The following ZMYM2 variants were observed in gnomAD, a reference collection of about 807,000 sequenced individuals.
ZMYM2 encodes the protein zinc finger MYM-type containing 2, also known as zinc finger MYM-type protein 2.
In ZMYM2, 56 loss-of-function variants were observed where a neutral mutation model predicts 162.8. The observed-to-expected ratio is 0.34, with a 90% CI of 0.28 to 0.43. The LOEUF (loss-of-function observed/expected upper bound fraction) is 0.43. Ranked by LOEUF, ZMYM2 falls within the 20% of genes least tolerant of loss-of-function variation. The probability of loss-of-function intolerance (pLI) is 1.00; values close to 1 mark genes in which losing one functional copy is unlikely to be tolerated. For missense variants in ZMYM2, 1,275 were observed against 1,621.8 expected (o/e 0.79, Z 3.67); for synonymous variants, 510 against 541.6 (o/e 0.94, Z 0.81).
intron 2 of ZMYM2, among the ~76,000 whole-genome samples, chr13:19,984,443 T>G (rs1424358210): frequency 6.6e-6 from 1 of 152,226 alleles, no homozygotes; most frequent in African/African-American, 2.4e-5. Flanking sequence ...GGTAAGTATT[T>G]AGGAGTGTGC....
At chr13:19,958,153 C>G (rs532182946), upstream of ZMYM2, among the ~76,000 whole-genome samples, 491 of 152,330 alleles carry the variant, frequency 3.2e-3, 3 homozygotes, top group African/African-American at 0.011. Context: ...GGTCGGGATT[C>G]CAGTTCACCC....
chr13:20,049,990 A>G (rs1413265172), intron 12 of ZMYM2, among the ~76,000 whole-genome samples: 1 of 152,018 alleles, frequency 6.6e-6, no homozygotes, highest in Non-Finnish European at 1.5e-5. Flanking sequence ...ATTTCGAAGA[A>G]CAGTCTCGCT....
chr13:19,871,236 CAGAA>C, the ZMYM2 span, among the ~76,000 whole-genome samples: 2 of 151,742 alleles, frequency 1.3e-5, no homozygotes, highest in African/African-American at 4.8e-5. Flanking sequence ...TATAATAACA[CAGAA>C]AGTAAAGAGA....
intron 9 of ZMYM2, chr13:20,028,155 G>T (rs909874675): frequency 6.2e-6 from 1 of 162,338 alleles, no homozygotes; most frequent in African/African-American, 2.4e-5. Flanking sequence ...TTAAATTGAG[G>T]TGTTTTTGAA....
At chr13:20,019,340 T>G (rs1015851341) in intron 6 of ZMYM2, among the ~76,000 whole-genome samples, 1 of 152,132 alleles carries the variant, frequency 6.6e-6, no homozygotes, top group Admixed American at 6.5e-5. Context: ...CATCATACCA[T>G]TTTTTCTAAG....
chr13:19,954,281 A>G (rs1954473965), upstream of ZMYM2, among the ~76,000 whole-genome samples: 1 of 150,982 alleles, frequency 6.6e-6, no homozygotes, highest in Non-Finnish European at 1.5e-5. Context: ...GGCGCCCACC[A>G]CCATGCCTGG....
chr13:20,002,216 G>A (rs1222429319), intron 3 of ZMYM2, among the ~76,000 whole-genome samples: 1 of 152,152 alleles, frequency 6.6e-6, no homozygotes, highest in African/African-American at 2.4e-5. Flanking sequence ...TTCTAGTTAG[G>A]ATTTTATTAT....
the ZMYM2 span, among the ~76,000 whole-genome samples, chr13:19,882,757 AAG>A: frequency 6.6e-6 from 1 of 150,384 alleles, no homozygotes; most frequent in African/African-American, 2.5e-5. Context: ...AAAAACAAAA[AAG>A]AACACGAAAA....
chr13:20,032,599 CTTTTTTTTT>C (rs57294389), intron 10 of ZMYM2, among the ~76,000 whole-genome samples: 12 of 66,034 alleles, frequency 1.8e-4, no homozygotes, highest in South Asian at 5.5e-4. Context: ...TTTTTTCTGT[CTTTTTTTTT>C]TTTTTTTTTT....
the ZMYM2 span, among the ~76,000 whole-genome samples, chr13:19,925,182 C>A: frequency 6.6e-6 from 1 of 152,194 alleles, no homozygotes; most frequent in Non-Finnish European, 1.5e-5. Flanking sequence ...CCGTGCCCGG[C>A]AATTTATTGA....
rs764189125 is a variant in ZMYM2 at position 20,082,035 on chromosome 13, G to A, written c.3473G>A (p.Arg1158Gln). 2.5e-6 allele frequency: 4 copies of A among 1,585,272 alleles called. No individual in the cohort carries two copies. Among genetic ancestry groups the A allele is most frequent in the Admixed American group, 3.7e-5 (2 of 54,256 alleles). The change falls in exon 22 of 25, where the codon CGA (arginine) becomes CAA (glutamine). Residue 1158 changes from arginine (R) to glutamine (Q), a missense_variant. By Grantham distance (43) the Arg-to-Gln change is conservative. Coordinates refer to ENST00000610343, the MANE Select transcript of ZMYM2 (RefSeq NM_197968.4). ...GIQEYLCGSN[R>Q]KDNIFIDPGY... ...TTATAGTATTTGTGTGGAAGTAATCGAAAAGACAACATATTTATTGATCCT... is the reference window on the plus strand; with the variant it reads ...TTATAGTATTTGTGTGGAAGTAATCAAAAAGACAACATATTTATTGATCCT...
chr13:20,000,859 G>A (rs1315332522), intron 3 of ZMYM2, among the ~76,000 whole-genome samples: 2 of 152,224 alleles, frequency 1.3e-5, no homozygotes, highest in Non-Finnish European at 2.9e-5. Context: ...GCCATAGATA[G>A]TGATTCCTCT....
intron 16 of ZMYM2, 74 bp downstream of exon 16, chr13:20,059,636 C>G: frequency 1.3e-6 from 1 of 752,416 alleles, no homozygotes; most frequent in Non-Finnish European, 2.4e-6. Flanking sequence ...TACAGTTGAC[C>G]CTTGAACAAC....
chr13:20,000,635 T>C (rs1258645323), intron 3 of ZMYM2, among the ~76,000 whole-genome samples: 1 of 152,234 alleles, frequency 6.6e-6, no homozygotes, highest in Non-Finnish European at 1.5e-5. Context: ...TTTAAACTAG[T>C]GTTGAGACCT....
Position 19,999,397 on chromosome 13 carries a change from T to TA in ZMYM2, c.848-3452dup, listed in dbSNP as rs1172363299. On this transcript the variant is annotated intron_variant, in intron 3 of 24. Transcript: ENST00000610343. ...GCCTTTTCATTGTTATTATATCTGT[T>TA]ACGGTGATCTGTGATCAGTGATCTT... Among the ~76,000 whole-genome samples the TA allele has an allele frequency of 2.6e-5, 4 of 152,170 alleles. No homozygotes were observed. In the East Asian group the frequency reaches 7.7e-4, roughly 29 times the overall value.
chr13:19,922,170 CT>C, the ZMYM2 span, among the ~76,000 whole-genome samples: 1 of 152,068 alleles, frequency 6.6e-6, no homozygotes, highest in African/African-American at 2.4e-5. Flanking sequence ...CTGCCTCGGC[CT>C]CCCAAAGTGC....
At chr13:20,002,764 G>A (rs1037303588) in intron 3 of ZMYM2, 86 bp from the exon 4 acceptor site, 15 of 1,479,034 alleles carry the variant, frequency 1.0e-5, no homozygotes, top group Admixed American at 2.1e-5. Flanking sequence ...TACAAAATGG[G>A]AAGTTAATAT....
At chr13:19,977,335 T>C (rs1333003760) in intron 2 of ZMYM2, among the ~76,000 whole-genome samples, 1 of 152,118 alleles carries the variant, frequency 6.6e-6, no homozygotes, top group Non-Finnish European at 1.5e-5. Context: ...AGTGAATCTT[T>C]TGTAGACAGC....
At chr13:19,941,012 G>A in the ZMYM2 span, among the ~76,000 whole-genome samples, 1 of 152,016 alleles carries the variant, frequency 6.6e-6, no homozygotes, top group East Asian at 1.9e-4. Context: ...TGCTGTAGTA[G>A]TTAAGACAAA....
Sources: allele counts gnomAD v4.1 joint callset (sites outside exome capture counted in the v4.1 genomes callset), GRCh38; gene constraint gnomAD v4.1.1; transcripts MANE v1.5; gene names NCBI Gene and HGNC (gene_info 2026-07-23, HGNC 2026-07-21).